OPCML: variants seen among roughly 807,000 people sequenced by gnomAD.
OPCML encodes the protein opioid-binding protein/cell adhesion molecule.
OPCML carries 13 observed loss-of-function variants against 37.8 expected under a neutral mutation model. The ratio of observed to expected loss-of-function variants is 0.34; its 90% CI spans 0.22 to 0.55. OPCML has a LOEUF of 0.55. Among genes scored for constraint, OPCML ranks in the 20% least tolerant of loss-of-function variants. The probability of loss-of-function intolerance (pLI) is 0.91; values close to 1 mark genes in which losing one functional copy is unlikely to be tolerated. For synonymous variants in OPCML, 176 were observed against 168.8 expected (o/e 1.04, Z -0.33); for missense variants, 341 against 435.6 (o/e 0.78, Z 1.93).
At chr11:132,752,024 G>A (rs970344979) in intron 2 of OPCML, among the ~76,000 whole-genome samples, 7 of 152,232 alleles carry the variant, frequency 4.6e-5, no homozygotes, top group South Asian at 2.1e-4. Context: ...TATTTAAAAG[G>A]CATGCGATAC....
chr11:133,009,026 T>G (rs1947165225), intron 1 of OPCML: 1 of 985,326 alleles, frequency 1.0e-6, no homozygotes, highest in Admixed American at 6.1e-5. Context: ...CTGTTTCAAG[T>G]TTTGATTACT....
intron 1 of OPCML, among the ~76,000 whole-genome samples, chr11:133,417,148 T>C (rs1945786308): frequency 6.6e-6 from 1 of 152,172 alleles, no homozygotes; most frequent in Non-Finnish European, 1.5e-5. Flanking sequence ...TTATAATAAA[T>C]AAGTAAACAT....
intron 1 of OPCML, among the ~76,000 whole-genome samples, chr11:132,953,644 T>C (rs1945911994): frequency 6.6e-6 from 1 of 152,192 alleles, no homozygotes; most frequent in African/African-American, 2.4e-5. Flanking sequence ...CTGGTCTCAC[T>C]ATAGTATCTA....
chr11:133,326,460 T>G (rs569654974), intron 1 of OPCML, among the ~76,000 whole-genome samples: 1 of 114,056 alleles, frequency 8.8e-6, no homozygotes, highest in Non-Finnish European at 1.7e-5. Context: ...TATGTGTGTG[T>G]GGGGTGTGTG....
At chr11:133,525,904 G>A (rs1442945324) in intron 1 of OPCML, among the ~76,000 whole-genome samples, 1 of 152,132 alleles carries the variant, frequency 6.6e-6, no homozygotes, top group Non-Finnish European at 1.5e-5. Context: ...CCTTTCCGGG[G>A]GTCTCTCAGC....
intron 1 of OPCML, among the ~76,000 whole-genome samples, chr11:133,140,577 A>AAGAAGAAGAAG (rs748209202): frequency 9.4e-5 from 8 of 85,102 alleles, no homozygotes; most frequent in East Asian, 4.0e-4. Context: ...GAAGAAGAAG[A>AAGAAGAAGAAG]AAGAAGAAAA....
At chr11:133,227,726 A>T (rs903536298) in intron 1 of OPCML, among the ~76,000 whole-genome samples, 1 of 152,172 alleles carries the variant, frequency 6.6e-6, no homozygotes, top group Admixed American at 6.5e-5. Context: ...GGTGAAGGGC[A>T]TCTGCAGAGC....
chr11:133,072,085 T>G (rs749302758), intron 1 of OPCML, among the ~76,000 whole-genome samples: 7 of 152,098 alleles, frequency 4.6e-5, no homozygotes, highest in Non-Finnish European at 1.0e-4. Flanking sequence ...CACATGAAGT[T>G]ATGCGATGGG....
At chr11:132,497,096 A>G (rs530238725) in intron 4 of OPCML, among the ~76,000 whole-genome samples, 2 of 152,316 alleles carry the variant, frequency 1.3e-5, no homozygotes, top group South Asian at 4.1e-4. Context: ...TTGCAGGGAC[A>G]TGGATGGAGC....
intron 3 of OPCML, among the ~76,000 whole-genome samples, chr11:132,624,372 T>C (rs1258778610): frequency 6.6e-6 from 1 of 152,198 alleles, no homozygotes; most frequent in Non-Finnish European, 1.5e-5. Flanking sequence ...TAGCTGGCTT[T>C]GTTTCCTTTC....
In OPCML at chr11:133,024,817, T is replaced by A. The variant is rs1014440962; in HGVS notation, c.62-81807A>T. 4.1e-6 allele frequency: 4 copies of A among 985,450 alleles called. No homozygotes were observed. In the South Asian group the frequency reaches 1.9e-4, roughly 46 times the overall value. The allele number at this position is 985,450 out of a possible 1,614,324, so 61.0% of individuals were successfully genotyped here. A position where few individuals can be genotyped will look rare whatever the true frequency, so the allele number is the denominator to read the frequency against. ...CTCTCCCAGGACTCAGTTCTATCAC[T>A]GCCTGGGTGACCTGGTGAGGGAAAG... On this transcript the variant is annotated intron_variant, in intron 1 of 7. Transcript: ENST00000524381.
At chr11:132,535,897 G>A (rs530540160) in intron 3 of OPCML, among the ~76,000 whole-genome samples, 3 of 152,136 alleles carry the variant, frequency 2.0e-5, no homozygotes, top group Admixed American at 2.0e-4. Context: ...CTTATTGAAG[G>A]CTGCTTCCTC....
intron 2 of OPCML, among the ~76,000 whole-genome samples, chr11:132,793,582 G>A (rs1039754987): frequency 6.6e-6 from 1 of 152,164 alleles, no homozygotes; most frequent in Admixed American, 6.5e-5. Flanking sequence ...CCCTTGAGAT[G>A]ATTTGAGGGT....
Position 132,417,284 on chromosome 11 carries a change from A to AAAAAC in OPCML, c.*2908_*2909insGTTTT, listed in dbSNP as rs1460380168. On this transcript the variant is annotated 3_prime_UTR_variant, in exon 8 of 8. Transcript: ENST00000524381. ...GTGACAGCCACTCTCCCATGAAGCC[A>AAAAAC]TCCCCACCAAAGAAACACAAAAACA... 11 of 152,364 alleles carry AAAAAC rather than the reference A, an allele frequency of 7.2e-5. No homozygotes were observed. Among genetic ancestry groups the AAAAAC allele is most frequent in the African/African-American group, 2.4e-4 (10 of 41,576 alleles). The allele number at this position is 152,364 out of a possible 1,614,324, so 9.4% of individuals were successfully genotyped here. A position where few individuals can be genotyped will look rare whatever the true frequency, so the allele number is the denominator to read the frequency against.
chr11:132,695,630 A>G (rs1943573179), intron 2 of OPCML, among the ~76,000 whole-genome samples: 1 of 152,172 alleles, frequency 6.6e-6, no homozygotes, highest in Non-Finnish European at 1.5e-5. Context: ...ATATTTATGT[A>G]ATGACACAAA....
At chr11:133,463,119 CAAAA>C (rs558107695) in intron 1 of OPCML, among the ~76,000 whole-genome samples, 1 of 49,902 alleles carries the variant, frequency 2.0e-5, no homozygotes, top group Non-Finnish European at 4.8e-5. Context: ...ACATCAGGCT[CAAAA>C]AAAAAAAAAA....
At chr11:132,991,424 T>C (rs1946773630) in intron 1 of OPCML, among the ~76,000 whole-genome samples, 1 of 152,208 alleles carries the variant, frequency 6.6e-6, no homozygotes, top group Non-Finnish European at 1.5e-5. Flanking sequence ...AGATTAGCGG[T>C]GTCCTTGTAC....
chr11:133,161,130 G>T (rs1008620057), intron 1 of OPCML, among the ~76,000 whole-genome samples: 6 of 152,218 alleles, frequency 3.9e-5, no homozygotes, highest in African/African-American at 1.4e-4. Context: ...ACAAGCCAGG[G>T]CACACCTTTG....
intron 1 of OPCML, among the ~76,000 whole-genome samples, chr11:133,488,390 A>G (rs1335471458): frequency 2.6e-5 from 4 of 152,158 alleles, no homozygotes; most frequent in Non-Finnish European, 5.9e-5. Context: ...AATCTCTTAT[A>G]TTAGATAAAC....
Sources: allele counts gnomAD v4.1 joint callset (sites outside exome capture counted in the v4.1 genomes callset), GRCh38; gene constraint gnomAD v4.1.1; transcripts MANE v1.5; gene names NCBI Gene and HGNC (gene_info 2026-07-23, HGNC 2026-07-21).